MYO10: variants seen among roughly 807,000 people sequenced by gnomAD.
The protein encoded by MYO10 is myosin X.
MYO10 carries 133 observed loss-of-function variants against 257.3 expected under a neutral mutation model. The observed-to-expected ratio is 0.52, with a 90% CI of 0.45 to 0.60. The LOEUF is 0.60. MYO10 is among the 20% of genes least tolerant of loss of function. The probability of loss-of-function intolerance (pLI) is 0.00; values close to 1 mark genes in which losing one functional copy is unlikely to be tolerated. For synonymous variants in MYO10, 1,104 were observed against 1,028.6 expected (o/e 1.07, Z -1.40); for missense variants, 2,399 against 2,635.7 (o/e 0.91, Z 1.97).
chr5:16,916,514 CTAAATCACAGAT>C, intron 1 of MYO10: 1 of 165,600 alleles, frequency 6.0e-6, no homozygotes. Flanking sequence ...GAACTCACTC[CTAAATCACAGAT>C]TAAATCCAGG....
rs1736532043 is a variant in MYO10, at chr5:16,672,813, G to C, written c.5185C>G (p.Leu1729Val). 1.2e-6 allele frequency: 2 copies of C among 1,613,260 alleles called. No homozygotes were observed. The highest frequency in any genetic ancestry group is 1.7e-6 in the Non-Finnish European group (2 of 1,179,580). Reference sequence around the variant, plus strand: ...TCCTCCATGGCCAGGCCTCGGATCAGCTTCTCCACCACCTGGAAGACACAC... The same window carrying C: ...TCCTCCATGGCCAGGCCTCGGATCACCTTCTCCACCACCTGGAAGACACAC... The part of the protein sequence containing the change: ...HTTAGEVVEK[L>V]IRGLAMEDSR... Residue 1729 changes from leucine to valine, a missense_variant, in exon 37 of 41, where the codon CTG becomes GTG. Transcript: ENST00000513610.
chr5:16,752,486 T>C (rs1421966687), intron 19 of MYO10, among the ~76,000 whole-genome samples: 2 of 152,284 alleles, frequency 1.3e-5, no homozygotes, highest in Non-Finnish European at 2.9e-5. Flanking sequence ...TTTCATCATG[T>C]TGGCCAGGCT....
chr5:16,689,893 T>A lies in MYO10; in HGVS notation c.3827A>T (p.Glu1276Val), dbSNP rs1286690279. The A allele has an allele frequency of 2.5e-6, 4 of 1,613,622 alleles. No individual in the cohort carries two copies. In the Admixed American group the frequency reaches 6.7e-5, roughly 27 times the overall value. The change falls in exon 28 of 41, where the codon GAG becomes GTG. Residue 1276 changes from glutamate (E) to valine (V), a missense_variant. Glu to Val is a moderately radical substitution (Grantham distance 121). Coordinates refer to ENST00000513610, the MANE Select transcript of MYO10 (RefSeq NM_012334.3). ...AKEIIDNTTK[E>V]NGIDIIMADR... ...GGCCATAATGATGTCGATCCCATTCTCCTTGGTGGTGTTATCTATGATCTC... is the reference window on the plus strand; with the variant it reads ...GGCCATAATGATGTCGATCCCATTCACCTTGGTGGTGTTATCTATGATCTC...
chr5:16,815,428 G>C (rs1375725781), intron 3 of MYO10: 1 of 700,652 alleles, frequency 1.4e-6, no homozygotes, highest in African/African-American at 1.8e-5. Context: ...TGTGGATTTG[G>C]AGTTTTTGGA....
chr5:16,929,142 TG>T (rs534348668), intron 1 of MYO10, among the ~76,000 whole-genome samples: 24 of 151,184 alleles, frequency 1.6e-4, no homozygotes, highest in Non-Finnish European at 3.2e-4. Context: ...TTAGTAGAGA[TG>T]GGGGTTTCAC....
At chr5:16,748,129 G>T (rs1466070133) in intron 19 of MYO10, among the ~76,000 whole-genome samples, 1 of 152,048 alleles carries the variant, frequency 6.6e-6, no homozygotes, top group East Asian at 1.9e-4. Context: ...AAGTGCACTG[G>T]TGCGATCTCG....
At chr5:16,670,296 C>A (rs1397957639) in intron 39 of MYO10, among the ~76,000 whole-genome samples, 1 of 152,130 alleles carries the variant, frequency 6.6e-6, no homozygotes, top group Admixed American at 6.5e-5. Flanking sequence ...GAATAGATGA[C>A]ATCTTAATTT....
At chr5:16,815,161 A>AG (rs1213600778) in intron 3 of MYO10, 4 of 212,666 alleles carry the variant, frequency 1.9e-5, no homozygotes, top group Non-Finnish European at 3.3e-5. Flanking sequence ...AGACACTATT[A>AG]CAAAAAAAAA....
chr5:16,670,439 G>T, intron 39 of MYO10, 87 bp downstream of exon 39: 2 of 1,228,594 alleles, frequency 1.6e-6, no homozygotes, highest in Non-Finnish European at 2.3e-6. Flanking sequence ...GCTCCATCTT[G>T]TCTTCTCTCC....
At chr5:16,820,521 C>T (rs111806503) in intron 2 of MYO10, among the ~76,000 whole-genome samples, 1,751 of 152,230 alleles carry the variant, frequency 0.012, 14 homozygotes, top group Middle Eastern at 0.02. Flanking sequence ...CTCCTGCCAG[C>T]GCAACTCGAG....
intron 2 of MYO10, among the ~76,000 whole-genome samples, chr5:16,828,331 T>G (rs78475270): frequency 0.029 from 4,354 of 151,586 alleles, 191 homozygotes; most frequent in African/African-American, 0.1. Flanking sequence ...GGGAATGGAG[T>G]CAAAAGCAAA....
intron 3 of MYO10, among the ~76,000 whole-genome samples, chr5:16,813,069 T>G (rs1276308170): frequency 6.6e-6 from 1 of 152,160 alleles, no homozygotes; most frequent in African/African-American, 2.4e-5. Flanking sequence ...CATTACTCCT[T>G]AGCAAAGAAT....
At chr5:16,706,740 T>A (rs1251716081) in intron 21 of MYO10, among the ~76,000 whole-genome samples, 1 of 152,216 alleles carries the variant, frequency 6.6e-6, no homozygotes. Flanking sequence ...TAGTTTTCAG[T>A]CCATTAAAAA....
intron 38 of MYO10, 101 bp downstream of exon 38, chr5:16,671,321 G>A (rs1176535005): frequency 2.2e-6 from 3 of 1,392,410 alleles, no homozygotes; most frequent in Non-Finnish European, 2.9e-6. Context: ...ATCCACAGGT[G>A]TGCCTCATTT....
chr5:16,792,463 C>CA lies in MYO10; in HGVS notation c.467+2182dup, dbSNP rs574104650. Among the ~76,000 whole-genome samples, 242 of 152,296 alleles carry CA rather than the reference C, an allele frequency of 1.6e-3. No homozygotes were observed. In the South Asian group the frequency reaches 0.021, roughly 13 times the overall value. On this transcript the variant is annotated intron_variant, in intron 4 of 40. Coordinates refer to ENST00000513610, the MANE Select transcript of MYO10 (RefSeq NM_012334.3). ...TGAGCCATTATTTCTTATCCATCCT[C>CA]AATCAGCTCTCACATGGGATAATGC...
intron 2 of MYO10, among the ~76,000 whole-genome samples, chr5:16,839,149 A>C (rs551858925): frequency 6.6e-6 from 1 of 152,298 alleles, no homozygotes; most frequent in African/African-American, 2.4e-5. Context: ...ATAAGCCTAT[A>C]TACCTAGTGC....
chr5:16,764,140 C>A, intron 12 of MYO10, 110 bp downstream of exon 12: 2 of 1,193,954 alleles, frequency 1.7e-6, no homozygotes, highest in Non-Finnish European at 2.3e-6. Flanking sequence ...GAGTGAGACT[C>A]CTTCTCAAAA....
chr5:16,694,723 C>T (rs1737659779), intron 26 of MYO10, 109 bp from the exon 27 acceptor site: 1 of 1,406,932 alleles, frequency 7.1e-7, no homozygotes, highest in African/African-American at 1.4e-5. Flanking sequence ...AGACTCTGCC[C>T]CAGCCGCAGC....
chr5:16,785,247 C>T lies in MYO10; in HGVS notation c.468-1778G>A, dbSNP rs186137289. Reference sequence around the variant, plus strand: ...TTCCCTTACCAGCCACCAGAATCTTCCCAGTACAGAGCTTAGCATACATTG... The same window carrying T: ...TTCCCTTACCAGCCACCAGAATCTTTCCAGTACAGAGCTTAGCATACATTG... On this transcript the variant is annotated intron_variant, in intron 4 of 40. Coordinates refer to ENST00000513610, the MANE Select transcript of MYO10 (RefSeq NM_012334.3). Among the ~76,000 whole-genome samples the T allele has an allele frequency of 3.8e-3, 572 of 152,310 alleles. 4 individuals carry two copies. The highest frequency in any genetic ancestry group is 0.013 in the African/African-American group (546 of 41,560).
Sources: allele counts gnomAD v4.1 joint callset (sites outside exome capture counted in the v4.1 genomes callset), GRCh38; gene constraint gnomAD v4.1.1; transcripts MANE v1.5; gene names NCBI Gene and HGNC (gene_info 2026-07-23, HGNC 2026-07-21).